The following CTNND2 variants were observed in gnomAD, a reference collection of about 807,000 sequenced individuals.
The protein encoded by CTNND2 is catenin delta-2.
CTNND2 carries 22 observed loss-of-function variants against 144.4 expected under a neutral mutation model. The observed-to-expected ratio is 0.15, with a 90% CI of 0.11 to 0.22. CTNND2 has a LOEUF of 0.22. CTNND2 is among the 10% of genes least tolerant of loss of function. The probability of loss-of-function intolerance (pLI) is 1.00; values close to 1 mark genes in which losing one functional copy is unlikely to be tolerated. For missense variants in CTNND2, 1,353 were observed against 1,618.8 expected (o/e 0.84, Z 2.82); for synonymous variants, 751 against 695.6 (o/e 1.08, Z -1.25).
chr5:11,133,506 C>A (rs558742798), intron 12 of CTNND2, among the ~76,000 whole-genome samples: 1 of 152,138 alleles, frequency 6.6e-6, no homozygotes, highest in African/African-American at 2.4e-5. Flanking sequence ...GCATGCACCA[C>A]CACGCCTGGC....
chr5:11,326,228 C>T (rs151196228), intron 9 of CTNND2, among the ~76,000 whole-genome samples: 24 of 152,292 alleles, frequency 1.6e-4, no homozygotes, highest in African/African-American at 5.8e-4. Flanking sequence ...TAAAGCCTTC[C>T]TTACCAAGTG....
At chr5:11,228,300 G>A (rs1357095687) in intron 10 of CTNND2, among the ~76,000 whole-genome samples, 7 of 137,728 alleles carry the variant, frequency 5.1e-5, no homozygotes, top group South Asian at 2.4e-4. Context: ...AGCCAATATC[G>A]TGCCACTGCA....
chr5:11,430,911 A>C (rs1001188196), intron 3 of CTNND2, among the ~76,000 whole-genome samples: 4 of 152,204 alleles, frequency 2.6e-5, no homozygotes, highest in African/African-American at 9.7e-5. Context: ...TCAAAGATTC[A>C]ATCGAGAACC....
intron 2 of CTNND2, among the ~76,000 whole-genome samples, chr5:11,629,595 A>T (rs1470735740): frequency 6.6e-6 from 1 of 152,214 alleles, no homozygotes; most frequent in East Asian, 1.9e-4. Flanking sequence ...AGTTTTCAGC[A>T]TTTACAGTTG....
chr5:11,389,527 T>C (rs1318821271), intron 6 of CTNND2, among the ~76,000 whole-genome samples: 1 of 152,174 alleles, frequency 6.6e-6, no homozygotes, highest in East Asian at 1.9e-4. Context: ...TTGAGGCCTC[T>C]TGTGTAATTG....
chr5:11,865,837 T>C (rs1011081814), intron 1 of CTNND2, among the ~76,000 whole-genome samples: 1 of 138,498 alleles, frequency 7.2e-6, no homozygotes, highest in African/African-American at 2.7e-5. Context: ...GACACGGTCT[T>C]TGAACATGGA....
intron 7 of CTNND2, among the ~76,000 whole-genome samples, chr5:11,378,871 G>T (rs1266079305): frequency 1.3e-5 from 2 of 152,090 alleles, no homozygotes. Context: ...TAAAGATTCA[G>T]CATTTATGTG....
intron 9 of CTNND2, among the ~76,000 whole-genome samples, chr5:11,325,784 A>G (rs111631904): frequency 0.046 from 6,926 of 152,134 alleles, 551 homozygotes; most frequent in African/African-American, 0.16. Context: ...CCACCACTCT[A>G]TCAACCAGCC....
intron 9 of CTNND2, among the ~76,000 whole-genome samples, chr5:11,271,434 A>G (rs577941488): frequency 5.8e-4 from 88 of 152,324 alleles, no homozygotes; most frequent in African/African-American, 1.8e-3. Flanking sequence ...AAGGGAAAAA[A>G]GAGCTTTCTT....
intron 2 of CTNND2, among the ~76,000 whole-genome samples, chr5:11,712,479 T>C (rs554543480): frequency 1.3e-5 from 2 of 152,094 alleles, no homozygotes; most frequent in African/African-American, 2.4e-5. Flanking sequence ...ATCAAGAAAA[T>C]GCTGAAATGT....
At chr5:11,240,687 GCA>G (rs751351502) in intron 9 of CTNND2, among the ~76,000 whole-genome samples, 32 of 104,258 alleles carry the variant, frequency 3.1e-4, no homozygotes, top group East Asian at 1.0e-3. Flanking sequence ...CATCCAACAT[GCA>G]CACAGACACC....
intron 12 of CTNND2, among the ~76,000 whole-genome samples, chr5:11,145,508 T>G (rs944414533): frequency 5.9e-5 from 9 of 152,098 alleles, no homozygotes; most frequent in African/African-American, 2.2e-4. Context: ...CCTGTCCATA[T>G]CACACTCATC....
At chr5:11,006,514 T>G (rs1321998370) in intron 18 of CTNND2, among the ~76,000 whole-genome samples, 1 of 152,226 alleles carries the variant, frequency 6.6e-6, no homozygotes, top group African/African-American at 2.4e-5. Context: ...CCAGGATGAC[T>G]ACAGGAGCAA....
chr5:11,741,616 G>A (rs145169978), intron 1 of CTNND2, among the ~76,000 whole-genome samples: 2,444 of 151,982 alleles, frequency 0.016, 72 homozygotes, highest in African/African-American at 0.055. Context: ...AATACCTAAT[G>A]TAAATGTCGA....
intron 2 of CTNND2, among the ~76,000 whole-genome samples, chr5:11,699,090 T>G (rs957763910): frequency 1.3e-5 from 2 of 151,892 alleles, no homozygotes; most frequent in Non-Finnish European, 2.9e-5. Context: ...ACTTATACTT[T>G]TAAAAAGAGT....
In CTNND2 at chr5:11,015,389, G is replaced by A. The variant is rs552916000; in HGVS notation, c.3084+2585C>T. On this transcript the variant is annotated intron_variant, in intron 18 of 21. Transcript: ENST00000304623. ...TAATTATTAAGAACAGCTCTTTCTC[G>A]ATATTTTTAAATCATGGGTCCACTG... Among the ~76,000 whole-genome samples the A allele has an allele frequency of 8.5e-4, 129 of 152,264 alleles. 1 individual carries two copies. The highest frequency in any genetic ancestry group is 2.8e-3 in the African/African-American group (116 of 41,558).
chr5:11,257,687 G>A (rs963829003), intron 9 of CTNND2, among the ~76,000 whole-genome samples: 10 of 152,182 alleles, frequency 6.6e-5, no homozygotes, highest in Non-Finnish European at 8.8e-5. Context: ...TACAATTCGA[G>A]ATGAGATTCA....
chr5:11,004,031 A>G (rs1261109903), intron 18 of CTNND2, among the ~76,000 whole-genome samples: 3 of 152,254 alleles, frequency 2.0e-5, no homozygotes, highest in Non-Finnish European at 4.4e-5. Flanking sequence ...GTAACCAAGA[A>G]GATTTGAAAA....
At chr5:11,188,232 G>T (rs1442560911) in intron 11 of CTNND2, among the ~76,000 whole-genome samples, 1 of 152,000 alleles carries the variant, frequency 6.6e-6, no homozygotes. Flanking sequence ...ACTGGATAAA[G>T]AAAATGTGGT....
Sources: gnomAD v4.1 joint callset for allele counts (sites outside exome capture counted in the v4.1 genomes callset) on GRCh38, gnomAD v4.1.1 for gene constraint, MANE v1.5 for transcripts, NCBI Gene and HGNC (gene_info 2026-07-23, HGNC 2026-07-21) for gene names.